Variants in NEK9 observed in about 807,000 individuals in gnomAD.
NEK9 encodes the protein serine/threonine-protein kinase Nek9.
NEK9 carries 75 observed loss-of-function variants against 123.4 expected under a neutral mutation model. The ratio of observed to expected loss-of-function variants is 0.61; its 90% CI spans 0.50 to 0.74. NEK9 has a LOEUF of 0.74. NEK9 is among the 30% of genes least tolerant of loss of function. NEK9 has a pLI of 0.00. For missense variants in NEK9, 952 were observed against 1,214.4 expected, an observed-to-expected ratio of 0.78 and a Z score of 3.21; for synonymous variants, 438 against 458.7, an observed-to-expected ratio of 0.95 and a Z score of 0.58.
At chr14:75,107,834 C>T (rs143380823) in intron 10 of NEK9, among the ~76,000 whole-genome samples, 2 of 152,254 alleles carry the variant, frequency 1.3e-5, no homozygotes, top group Middle Eastern at 3.4e-3. Flanking sequence ...ATCCTGCCAA[C>T]AGGTAAAGAA....
chr14:75,105,813 C>T (rs34491784), intron 13 of NEK9, 137 bp downstream of exon 13: 2 of 679,386 alleles, frequency 2.9e-6, no homozygotes, highest in African/African-American at 3.6e-5. Flanking sequence ...ATCAGGAATC[C>T]TAAATTGTCA....
Position 75,124,305 on chromosome 14 carries a change from G to C in NEK9, c.220-82C>G. Reference sequence around the variant, plus strand: ...CACACCTAGATCTGTAAGCCTAGAAGGAAAACTTCCTAGAGGGGCACAGAC... The same window carrying C: ...CACACCTAGATCTGTAAGCCTAGAACGAAAACTTCCTAGAGGGGCACAGAC... On this transcript the variant is annotated intron_variant, in intron 1 of 21. Coordinates refer to ENST00000238616, the MANE Select transcript of NEK9 (RefSeq NM_033116.6). 5 of 1,329,604 alleles carry C rather than the reference G, an allele frequency of 3.8e-6. No homozygotes were observed. The South Asian group carries it at 6.6e-5, about 18-fold the overall frequency. The allele number at this position is 1,329,604 out of a possible 1,614,324, so 82.4% of individuals were successfully genotyped here.
chr14:75,102,346 TTTTTA>T (rs1269037764), intron 14 of NEK9, among the ~76,000 whole-genome samples: 14 of 152,304 alleles, frequency 9.2e-5, no homozygotes, highest in African/African-American at 3.1e-4. Context: ...TTTTTTTGTT[TTTTTA>T]TTTTGTTTTG....
intron 15 of NEK9, 117 bp from the exon 16 acceptor site, chr14:75,101,270 A>C (rs1594833642): frequency 9.1e-7 from 1 of 1,099,202 alleles, no homozygotes; most frequent in Non-Finnish European, 1.3e-6. Context: ...CAAATATAAA[A>C]CTAGCCACAT....
Position 75,124,232 on chromosome 14 carries a change from AG to A in NEK9, c.220-10del, listed in dbSNP as rs764571109. On this transcript the variant is annotated splice_polypyrimidine_tract_variant and intron_variant, in intron 1 of 21. Coordinates refer to ENST00000238616, the MANE Select transcript of NEK9 (RefSeq NM_033116.6). ...ACAACCAGTGAGTCATCCTAAACAC[AG>A]TAACAGAGGTATCGTGCTTTTCCTC... The A allele has an allele frequency of 1.3e-4, 209 of 1,610,722 alleles. No individual in the cohort carries two copies. The highest frequency in any genetic ancestry group is 1.7e-4 in the Non-Finnish European group (204 of 1,177,228).
rs1893937045 is a variant in NEK9 at position 75,083,879 on chromosome 14, G to A, written c.*685C>T. On this transcript the variant is annotated 3_prime_UTR_variant, in exon 22 of 22. Coordinates refer to ENST00000238616, the MANE Select transcript of NEK9 (RefSeq NM_033116.6). ...CAGCCTGAAACACCAGCTGTGTGAT[G>A]AGGAGGGTCCTGCCCTTTCTCTATT... The A allele has an allele frequency of 6.6e-6, 1 of 152,298 alleles. No individual in the cohort carries two copies. The highest frequency in any genetic ancestry group is 2.1e-4 in the South Asian group (1 of 4,834). 9.4% of individuals were successfully genotyped at this position (152,298 alleles called of 1,614,324 possible).
Position 75,126,942 on chromosome 14 carries a change from G to C in NEK9, c.-21C>G. On this transcript the variant is annotated 5_prime_UTR_variant, in exon 1 of 22. Transcript: ENST00000238616. The stretch of plus-strand genomic sequence containing the variant: ...GACATGGCGGCGGCCGCGGGCCTTG[G>C]GGACCAGCCTGCGTATGCCCGGAGG... 3 of 1,444,884 alleles carry C rather than the reference G, an allele frequency of 2.1e-6. No homozygotes were observed. The highest frequency in any genetic ancestry group is 2.7e-6 in the Non-Finnish European group (3 of 1,092,314). The allele number at this position is 1,444,884 out of a possible 1,614,324, so 89.5% of individuals were successfully genotyped here.
At chr14:75,086,373 T>C (rs902922042) in intron 21 of NEK9, 6 of 149,914 alleles carry the variant, frequency 4.0e-5, no homozygotes, top group African/African-American at 4.9e-5. Flanking sequence ...ACTGGGAAAA[T>C]TGAGGTATCA....
intron 9 of NEK9, 47 bp downstream of exon 9, chr14:75,110,274 G>A (rs374897079): frequency 5.1e-5 from 73 of 1,442,624 alleles, no homozygotes; most frequent in Non-Finnish European, 6.9e-5. Flanking sequence ...GAACCCCCTG[G>A]TTGTAATTTC....
At chr14:75,093,285 C>T (rs914216231) in intron 18 of NEK9, among the ~76,000 whole-genome samples, 32 of 152,294 alleles carry the variant, frequency 2.1e-4, no homozygotes, top group African/African-American at 6.7e-4. Context: ...CTACTGGACA[C>T]TGCTGAACTA....
At chr14:75,086,930 G>T in intron 21 of NEK9, 88 bp downstream of exon 21, 1 of 1,358,086 alleles carries the variant, frequency 7.4e-7, no homozygotes, top group Non-Finnish European at 1.0e-6. Context: ...ACCTGCAAAG[G>T]AACAAGTCTA....
chr14:75,126,263 G>A (rs1178851495), intron 1 of NEK9, among the ~76,000 whole-genome samples: 5 of 152,110 alleles, frequency 3.3e-5, no homozygotes, highest in Non-Finnish European at 7.4e-5. Context: ...TGGGGATTTT[G>A]AAGCTATGCC....
chr14:75,121,754 G>GGTGGGAGGGTCGCCTGAGC (rs1167747773), intron 2 of NEK9, among the ~76,000 whole-genome samples: 3 of 152,216 alleles, frequency 2.0e-5, no homozygotes, highest in African/African-American at 7.2e-5. Flanking sequence ...AGGAGGCTAA[G>GGTGGGAGGGTCGCCTGAGC]GTGGGAGGGT....
intron 19 of NEK9, among the ~76,000 whole-genome samples, chr14:75,089,329 G>A (rs1788850369): frequency 6.6e-6 from 1 of 152,008 alleles, no homozygotes; most frequent in South Asian, 2.1e-4. Context: ...CCAGGTTCAA[G>A]TGGTCCTCCT....
chr14:75,104,623 A>T (rs1894710433), intron 13 of NEK9, among the ~76,000 whole-genome samples: 1 of 151,338 alleles, frequency 6.6e-6, no homozygotes, highest in African/African-American at 2.4e-5. Context: ...GCTGGGATTA[A>T]AGGCGTGTGC....
In NEK9 at chr14:75,095,943, G is replaced by T. The variant is rs527780356; in HGVS notation, c.2174-512C>A. 3.3e-5 allele frequency among the ~76,000 whole-genome samples: 5 copies of T among 152,260 alleles called. No homozygotes were observed. The South Asian group carries it at 1.0e-3, about 32-fold the overall frequency. ...ATAGGTCTGTAGGTTCCACCCCAGA[G>T]ATTCTGATTTAATTGGTCAGGGATA... On this transcript the variant is annotated intron_variant, in intron 17 of 21. Transcript: ENST00000238616.
rs895061817 is a variant in NEK9 at position 75,088,756 on chromosome 14, C to T, written c.2443-115G>A. 5 of 891,452 alleles carry T rather than the reference C, an allele frequency of 5.6e-6. No homozygotes were observed. The African/African-American group carries it at 8.5e-5, about 15-fold the overall frequency. 55.2% of individuals were successfully genotyped at this position (891,452 alleles called of 1,614,324 possible). ...CATGACTTCAGCACCCTCTAGTGGG[C>T]AAGACAGTTGTGGTTAACAACATAT... On this transcript the variant is annotated intron_variant, in intron 19 of 21. Coordinates refer to ENST00000238616, the MANE Select transcript of NEK9 (RefSeq NM_033116.6).
chr14:75,119,208 A>G (rs923916396), intron 4 of NEK9, among the ~76,000 whole-genome samples: 2 of 151,926 alleles, frequency 1.3e-5, no homozygotes, highest in African/African-American at 4.8e-5. Flanking sequence ...GCTTCTCGGG[A>G]GGTTAAAGCA....
chr14:75,087,083 G>C lies in NEK9; in HGVS notation c.2752C>G (p.Gln918Glu), dbSNP rs1894050030. Residue 918 changes from glutamine to glutamate, a missense_variant, in exon 21 of 22, where the codon CAA (glutamine) becomes GAA (glutamate). Coordinates refer to ENST00000238616, the MANE Select transcript of NEK9 (RefSeq NM_033116.6). The stretch of plus-strand genomic sequence containing the variant: ...TGGGTAAAAATCTGGAGGTTTTCTT[G>C]CTGTAGCTTCTGTTGTTCAGCCAGA... ...KCLAEQQKLQQENLQIFTQLQ... is the reference protein window; with the variant it reads ...KCLAEQQKLQEENLQIFTQLQ... The C allele has an allele frequency of 6.2e-7, 1 of 1,614,058 alleles. No individual in the cohort carries two copies. The highest frequency in any genetic ancestry group is 1.3e-5 in the African/African-American group (1 of 74,924).
Sources: gnomAD v4.1 joint callset for allele counts (sites outside exome capture counted in the v4.1 genomes callset) on GRCh38, gnomAD v4.1.1 for gene constraint, MANE v1.5 for transcripts, NCBI Gene and HGNC (gene_info 2026-07-23, HGNC 2026-07-21) for gene names.